RGS3: variants seen among roughly 807,000 people sequenced by gnomAD.
RGS3 encodes regulator of G-protein signalling 3.
RGS3 carries 80 observed loss-of-function variants against 132.6 expected under a neutral mutation model. The observed-to-expected ratio is 0.60, with a 90% CI of 0.50 to 0.73. The LOEUF (loss-of-function observed/expected upper bound fraction) is 0.73, where lower values mean the gene tolerates loss of function less well. RGS3 is among the 30% of genes least tolerant of loss of function. The pLI is 0.00. For synonymous variants in RGS3, 598 were observed against 620.6 expected, an observed-to-expected ratio of 0.96 and a Z score of 0.54; for missense variants, 1,382 against 1,530.8, an observed-to-expected ratio of 0.90 and a Z score of 1.62.
intron 19 of RGS3, chr9:113,541,348 AG>A (rs1310935108): frequency 1.2e-6 from 2 of 1,613,864 alleles, no homozygotes; most frequent in Non-Finnish European, 1.7e-6. Flanking sequence ...TCTCTCCAGC[AG>A]GAGATGGGGC....
At chr9:113,495,996 G>A in intron 8 of RGS3, 150 bp downstream of exon 6, 3 of 724,790 alleles carry the variant, frequency 4.1e-6, no homozygotes, top group South Asian at 1.6e-5. Flanking sequence ...CTGCATAGCA[G>A]CACTGTGTTT....
chr9:113,529,199 C>T, intron 17 of RGS3, 22 bp from the exon 16 acceptor site: 1 of 1,604,618 alleles, frequency 6.2e-7, no homozygotes, highest in Non-Finnish European at 8.5e-7. Context: ...TAATGCAAAT[C>T]TTACTTTTTG....
chr9:113,460,039 C>CAA (rs879005762), upstream of RGS3, among the ~76,000 whole-genome samples: 96 of 112,182 alleles, frequency 8.6e-4, 1 homozygote, highest in African/African-American at 1.4e-3. Flanking sequence ...GAAACTCTCT[C>CAA]AAAAAAAAAA....
chr9:113,534,263 G>A (rs1832591742), intron 18 of RGS3, among the ~76,000 whole-genome samples: 1 of 152,186 alleles, frequency 6.6e-6, no homozygotes. Context: ...GCCTTAGCTT[G>A]TGTGTTGCCC....
intron 16 of RGS3, among the ~76,000 whole-genome samples, chr9:113,520,185 C>T (rs1831871845): frequency 6.6e-6 from 1 of 152,174 alleles, no homozygotes; most frequent in Non-Finnish European, 1.5e-5. Context: ...TGGGTGACCC[C>T]CGTGGCCTGT....
chr9:113,538,627 G>A (rs969665962), intron 19 of RGS3, among the ~76,000 whole-genome samples: 1 of 152,194 alleles, frequency 6.6e-6, no homozygotes, highest in Non-Finnish European at 1.5e-5. Flanking sequence ...TCCCTGTAGG[G>A]CTTTGGGCTT....
intron 1 of RGS3, among the ~76,000 whole-genome samples, chr9:113,451,126 C>G (rs564655580): frequency 6.7e-6 from 1 of 149,238 alleles, no homozygotes; most frequent in South Asian, 2.1e-4. Flanking sequence ...TGCAGTGAGC[C>G]GAGATCACAC....
intron 17 of RGS3, among the ~76,000 whole-genome samples, chr9:113,528,295 G>T (rs1040849582): frequency 6.6e-6 from 1 of 152,220 alleles, no homozygotes; most frequent in Non-Finnish European, 1.5e-5. Context: ...CCAGACAAGT[G>T]ACCTAAGCGG....
chr9:113,515,558 G>A (rs576362218), intron 15 of RGS3, among the ~76,000 whole-genome samples: 2 of 151,376 alleles, frequency 1.3e-5, no homozygotes, highest in South Asian at 4.2e-4. Context: ...TTGAACCTGG[G>A]GGGTGGAGGT....
intron 1 of RGS3, among the ~76,000 whole-genome samples, chr9:113,448,459 T>C (rs1211651539): frequency 2.6e-5 from 4 of 152,182 alleles, no homozygotes; most frequent in African/African-American, 9.7e-5. Flanking sequence ...CGACTTCTTC[T>C]TCCCCCTTCT....
At chr9:113,593,497 A>T (rs908701826) in intron 21 of RGS3, 6 of 161,280 alleles carry the variant, frequency 3.7e-5, no homozygotes, top group African/African-American at 1.4e-4. Flanking sequence ...TTAAATAATT[A>T]AACTTTAAAA....
chr9:113,482,030 G>A (rs1165249526), intron 4 of RGS3, among the ~76,000 whole-genome samples: 1 of 148,794 alleles, frequency 6.7e-6, no homozygotes, highest in Non-Finnish European at 1.5e-5. Flanking sequence ...TAGGCAACAA[G>A]TGCGAAACTC....
rs556705922 is a variant in RGS3, at chr9:113,536,566, C to T, written c.1915-230C>T. 396 of 1,339,424 alleles carry T rather than the reference C, an allele frequency of 3.0e-4. 1 individual carries two copies. The Middle Eastern group carries it at 4.7e-3, about 16-fold the overall frequency. The allele number at this position is 1,339,424 out of a possible 1,614,324, so 83.0% of individuals were successfully genotyped here. On this transcript the variant is annotated intron_variant, in intron 18 of 24. Transcript: ENST00000350696. Reference sequence around the variant, plus strand: ...TTGGGAGCCACTGCCTTCCTCCCCTCCCCCAACCTGTGGGCCCACAGCTCG... The same window carrying T: ...TTGGGAGCCACTGCCTTCCTCCCCTTCCCCAACCTGTGGGCCCACAGCTCG...
intron 3 of RGS3, 138 bp from the exon 2 acceptor site, chr9:113,479,353 C>T (rs977384583): frequency 4.5e-6 from 4 of 881,490 alleles, no homozygotes; most frequent in Admixed American, 3.7e-5. Context: ...TCTGAGGTCC[C>T]TGCCAGCCAG....
chr9:113,563,787 T>C (rs538289399), intron 19 of RGS3, among the ~76,000 whole-genome samples: 1 of 152,264 alleles, frequency 6.6e-6, no homozygotes, highest in South Asian at 2.1e-4. Flanking sequence ...ATGTATATGC[T>C]TGTGTATGTG....
At chr9:113,512,609 C>T (rs1831456289) in intron 14 of RGS3, among the ~76,000 whole-genome samples, 4 of 152,186 alleles carry the variant, frequency 2.6e-5, no homozygotes, top group East Asian at 1.9e-4. Flanking sequence ...TGTGGGTGCG[C>T]GTTGGTGGGG....
intron 3 of RGS3, among the ~76,000 whole-genome samples, chr9:113,466,233 T>G (rs140115570): frequency 6.6e-6 from 1 of 152,324 alleles, no homozygotes; most frequent in Non-Finnish European, 1.5e-5. Context: ...TTTGGCTAAG[T>G]TTTTCTCAGT....
intron 7 of RGS3, among the ~76,000 whole-genome samples, chr9:113,490,310 T>C (rs1830466864): frequency 1.3e-5 from 2 of 152,176 alleles, no homozygotes; most frequent in African/African-American, 2.4e-5. Flanking sequence ...TTATTTCATT[T>C]ACACCCCATC....
At position 113,556,317 on chromosome 9, in the gene RGS3, G is replaced by A. The variant is rs116921697; in HGVS notation, c.2037+19399G>A. 2.7e-3 allele frequency among the ~76,000 whole-genome samples: 410 copies of A among 152,050 alleles called. 1 individual carries two copies. Among genetic ancestry groups the A allele is most frequent in the Non-Finnish European group, 5.1e-3 (349 of 68,004 alleles). ...GTCTGAAGACCCAAGTCTTCCTTTC[G>A]TTCAGGGAAATTTTCTATTAATTTA... On this transcript the variant is annotated intron_variant, in intron 19 of 24. Coordinates refer to ENST00000350696, the Ensembl canonical transcript of RGS3.
Sources: gnomAD v4.1 joint callset for allele counts (sites outside exome capture counted in the v4.1 genomes callset) on GRCh38, gnomAD v4.1.1 for gene constraint, MANE v1.5 for transcripts, NCBI Gene and HGNC (gene_info 2026-07-23, HGNC 2026-07-21) for gene names.